Variants in CTNND2 observed in about 807,000 individuals in gnomAD.
CTNND2 encodes catenin delta-2.
In CTNND2, 22 loss-of-function variants were observed where a neutral mutation model predicts 144.4. The observed-to-expected ratio is 0.15, with a 90% CI of 0.11 to 0.22. The LOEUF (loss-of-function observed/expected upper bound fraction) is 0.22, where lower values mean the gene tolerates loss of function less well. CTNND2 is among the 10% of genes least tolerant of loss of function. CTNND2 has a pLI of 1.00. For synonymous variants in CTNND2, 751 were observed against 695.6 expected, an observed-to-expected ratio of 1.08 and a Z score of -1.25; for missense variants, 1,353 against 1,618.8, an observed-to-expected ratio of 0.84 and a Z score of 2.82.
At chr5:11,342,339 T>C (rs1303280197) in intron 9 of CTNND2, among the ~76,000 whole-genome samples, 1 of 152,206 alleles carries the variant, frequency 6.6e-6, no homozygotes, top group Non-Finnish European at 1.5e-5. Flanking sequence ...TAGTCAAATT[T>C]TGCGGTTTGA....
At chr5:11,513,774 T>G (rs1457007596) in intron 3 of CTNND2, among the ~76,000 whole-genome samples, 1 of 152,078 alleles carries the variant, frequency 6.6e-6, no homozygotes, top group Non-Finnish European at 1.5e-5. Context: ...AGACATTTAA[T>G]GAGTCTACAC....
chr5:11,695,279 T>G (rs770699756), intron 2 of CTNND2, among the ~76,000 whole-genome samples: 3 of 152,208 alleles, frequency 2.0e-5, no homozygotes, highest in Non-Finnish European at 4.4e-5. Flanking sequence ...AAGACAAGTA[T>G]CTAGCAACTG....
intron 2 of CTNND2, among the ~76,000 whole-genome samples, chr5:11,728,876 C>A (rs1180568283): frequency 6.6e-6 from 1 of 151,916 alleles, no homozygotes; most frequent in Non-Finnish European, 1.5e-5. Context: ...ACTTGAAGGC[C>A]AATTCAGATA....
At chr5:11,122,996 T>C (rs1314642439) in intron 12 of CTNND2, among the ~76,000 whole-genome samples, 1 of 152,136 alleles carries the variant, frequency 6.6e-6, no homozygotes. Context: ...AGAGGCTGTC[T>C]GGGGTTCCCA....
intron 9 of CTNND2, among the ~76,000 whole-genome samples, chr5:11,290,009 T>C (rs1209336286): frequency 6.6e-6 from 1 of 152,184 alleles, no homozygotes; most frequent in Non-Finnish European, 1.5e-5. Flanking sequence ...CAGAAAATGG[T>C]TCCCTTTGCA....
chr5:11,372,552 T>C (rs557042813), intron 7 of CTNND2, among the ~76,000 whole-genome samples: 3 of 152,126 alleles, frequency 2.0e-5, no homozygotes, highest in Admixed American at 6.5e-5. Flanking sequence ...GGTAGGAACC[T>C]ATGGCTAAGG....
chr5:11,595,739 T>C (rs965919112), intron 2 of CTNND2, among the ~76,000 whole-genome samples: 2 of 152,194 alleles, frequency 1.3e-5, no homozygotes, highest in African/African-American at 4.8e-5. Flanking sequence ...TCACATGCTT[T>C]TACATTTTTG....
intron 2 of CTNND2, among the ~76,000 whole-genome samples, chr5:11,718,848 T>C (rs771467826): frequency 6.6e-6 from 1 of 152,164 alleles, no homozygotes; most frequent in Non-Finnish European, 1.5e-5. Flanking sequence ...TCTCCATATT[T>C]CCTTAGTGAC....
At chr5:11,395,677 A>G (rs1760036916) in intron 6 of CTNND2, among the ~76,000 whole-genome samples, 1 of 152,252 alleles carries the variant, frequency 6.6e-6, no homozygotes, top group Non-Finnish European at 1.5e-5. Flanking sequence ...TATTCCTATC[A>G]TTCAGCATTG....
rs778134907 is a variant in CTNND2, at chr5:11,102,970, A to ATTTTTTTTTTTTTTTTTTTT, written c.2464-4242_2464-4223dup. 7.1e-5 allele frequency among the ~76,000 whole-genome samples: 6 copies of ATTTTTTTTTTTTTTTTTTTT among 84,080 alleles called. 1 individual carries two copies. Among genetic ancestry groups the ATTTTTTTTTTTTTTTTTTTT allele is most frequent in the Non-Finnish European group, 1.3e-4 (6 of 46,218 alleles). 55.2% of individuals were successfully genotyped at this position (84,080 alleles called of 152,430 possible). A position where few individuals can be genotyped will look rare whatever the true frequency, so the allele number is the denominator to read the frequency against. ...GCAGGGCTTAAATTCTATTTAAAAGATTTTTTTTTTTTTTTTTTTTTTTTT... is the reference window on the plus strand; with the variant it reads ...GCAGGGCTTAAATTCTATTTAAAAGATTTTTTTTTTTTTTTTTTTTTTTTTTTTTTTTTTTTTTTTTTTTT... On this transcript the variant is annotated intron_variant, in intron 14 of 21. Coordinates refer to ENST00000304623, the MANE Select transcript of CTNND2 (RefSeq NM_001332.4).
At chr5:11,622,840 T>A (rs1780921871) in intron 2 of CTNND2, among the ~76,000 whole-genome samples, 1 of 152,164 alleles carries the variant, frequency 6.6e-6, no homozygotes, top group Non-Finnish European at 1.5e-5. Context: ...AAAACTAATA[T>A]CATTCACATT....
chr5:11,339,872 G>A (rs32135), intron 9 of CTNND2, among the ~76,000 whole-genome samples: 40,679 of 152,098 alleles, frequency 0.27, 5,931 homozygotes, highest in Admixed American at 0.4. Flanking sequence ...AAGCTACCCA[G>A]AGATATTTTT....
chr5:11,723,728 C>A (rs1014235127), intron 2 of CTNND2, among the ~76,000 whole-genome samples: 4 of 152,150 alleles, frequency 2.6e-5, no homozygotes, highest in Non-Finnish European at 5.9e-5. Context: ...GGCCACATCC[C>A]CATCCAATAA....
chr5:11,252,461 A>G (rs1743765708), intron 9 of CTNND2, among the ~76,000 whole-genome samples: 1 of 152,210 alleles, frequency 6.6e-6, no homozygotes, highest in South Asian at 2.1e-4. Context: ...ACAATATTCT[A>G]CAATAAGCAC....
chr5:11,006,407 C>T (rs1183270298), intron 18 of CTNND2, among the ~76,000 whole-genome samples: 4 of 152,220 alleles, frequency 2.6e-5, no homozygotes, highest in African/African-American at 4.8e-5. Flanking sequence ...GGTATAGCTG[C>T]GGCCCTTACG....
At chr5:11,315,836 T>C (rs1397470947) in intron 9 of CTNND2, among the ~76,000 whole-genome samples, 2 of 152,180 alleles carry the variant, frequency 1.3e-5, no homozygotes, top group Non-Finnish European at 2.9e-5. Context: ...GATAAAGAGT[T>C]TGACTTTTAT....
chr5:11,462,508 G>C (rs992501262), intron 3 of CTNND2, among the ~76,000 whole-genome samples: 1 of 151,952 alleles, frequency 6.6e-6, no homozygotes, highest in Non-Finnish European at 1.5e-5. Context: ...TCAGGCTTTA[G>C]TCTTAGATAT....
intron 1 of CTNND2, among the ~76,000 whole-genome samples, chr5:11,769,733 A>C (rs1016976972): frequency 8.5e-5 from 13 of 152,308 alleles, no homozygotes; most frequent in African/African-American, 2.6e-4. Context: ...GCCCCAGAAT[A>C]AGCCATTCAG....
chr5:11,745,844 T>C (rs1165881069), intron 1 of CTNND2, among the ~76,000 whole-genome samples: 3 of 152,184 alleles, frequency 2.0e-5, no homozygotes, highest in African/African-American at 7.2e-5. Context: ...TTCCAAACTT[T>C]CTTTGACAGA....
Sources: allele counts gnomAD v4.1 joint callset (sites outside exome capture counted in the v4.1 genomes callset), GRCh38; gene constraint gnomAD v4.1.1; transcripts MANE v1.5; gene names NCBI Gene and HGNC (gene_info 2026-07-23, HGNC 2026-07-21).